Variants in PEPD observed in about 807,000 individuals in gnomAD.
PEPD encodes the protein peptidase D, also known as xaa-Pro dipeptidase.
PEPD carries 53 observed loss-of-function variants against 60.7 expected under a neutral mutation model. The observed-to-expected ratio is 0.87, with a 90% confidence interval of 0.70 to 1.10. The LOEUF (loss-of-function observed/expected upper bound fraction) is 1.10, where lower values mean the gene tolerates loss of function less well. PEPD is among the 50% of genes least tolerant of loss of function. PEPD has a pLI of 0.00. For synonymous variants in PEPD, 267 were observed against 284.1 expected (o/e 0.94, Z 0.60); for missense variants, 711 against 711.9 (o/e 1.00, Z 0.01).
At chr19:33,443,708 T>C (rs1481415436) in intron 9 of PEPD, among the ~76,000 whole-genome samples, 1 of 148,718 alleles carries the variant, frequency 6.7e-6, no homozygotes, top group Admixed American at 6.7e-5. Context: ...AACAAATGAA[T>C]GGGCTGAAAG....
chr19:33,485,491 T>TAAAAAAAAAAAAAAAA (rs908651690), intron 6 of PEPD, among the ~76,000 whole-genome samples: 4 of 110,962 alleles, frequency 3.6e-5, no homozygotes, highest in African/African-American at 1.5e-4. Flanking sequence ...AGACTCTGTC[T>TAAAAAAAAAAAAAAAA]AAAAAAAAAA....
Position 33,426,722 on chromosome 19 carries a change from CCAGGAGGAGCTGGGTCACTGAGGAAA to C in PEPD, c.672-13105_672-13080del, listed in dbSNP as rs533513465. On this transcript the variant is annotated intron_variant, in intron 9 of 14. Coordinates refer to ENST00000244137, the MANE Select transcript of PEPD (RefSeq NM_000285.4). ...GGCTACCCCATTAGGCTGGAGGGAA[CCAGGAGGAGCTGGGTCACTGAGGAAA>C]CAGGAGGAGCTGGGTCACTGCAGCC... Among the ~76,000 whole-genome samples the C allele has an allele frequency of 2.9e-3, 445 of 152,360 alleles. 1 individual carries two copies. Among genetic ancestry groups the C allele is most frequent in the African/African-American group, 0.01 (423 of 41,594 alleles).
intron 4 of PEPD, among the ~76,000 whole-genome samples, chr19:33,498,699 G>A (rs544864496): frequency 1.4e-3 from 219 of 151,870 alleles, no homozygotes; most frequent in Middle Eastern, 3.4e-3. Context: ...CAGGGTCCTG[G>A]AGACAGGTGC....
At chr19:33,502,157 G>A (rs1043122574) in intron 3 of PEPD, among the ~76,000 whole-genome samples, 3 of 152,150 alleles carry the variant, frequency 2.0e-5, no homozygotes, top group Non-Finnish European at 4.4e-5. Context: ...CTGCACAGGG[G>A]AGACACTGAG....
chr19:33,510,941 C>T (rs1292061018), intron 3 of PEPD, 87 bp downstream of exon 3: 3 of 1,424,286 alleles, frequency 2.1e-6, no homozygotes, highest in South Asian at 1.2e-5. Flanking sequence ...CGTCCCCAGG[C>T]CCAACCCAGC....
In PEPD at chr19:33,387,902, G is replaced by A. The variant is rs1302591533; in HGVS notation, c.1332C>T (p.Arg444=). ...FLNREVLQRF[R]GFGGVRIEED... The stretch of plus-strand genomic sequence containing the variant: ...CGTGGGCACTCACCCCGCCAAAACC[G>A]CGAAAGCGCTGCAGGACCTCGCGGT... Residue 444 remains arginine (R), a synonymous_variant, in exon 14 of 15, where the codon CGC becomes CGT. Transcript: ENST00000244137. 8.9e-6 allele frequency: 14 copies of A among 1,572,972 alleles called. No individual in the cohort carries two copies. Among genetic ancestry groups the A allele is most frequent in the East Asian group, 7.0e-5 (3 of 43,094 alleles).
chr19:33,509,376 G>A (rs1324398635), intron 3 of PEPD, among the ~76,000 whole-genome samples: 1 of 152,214 alleles, frequency 6.6e-6, no homozygotes, highest in East Asian at 1.9e-4. Flanking sequence ...GTCCTGCCCA[G>A]CAAAGATCCC....
intron 9 of PEPD, among the ~76,000 whole-genome samples, chr19:33,461,474 A>G (rs1969925303): frequency 1.3e-5 from 2 of 152,174 alleles, no homozygotes; most frequent in South Asian, 4.1e-4. Context: ...CCCTCCCAGT[A>G]GCCACCTTGG....
At chr19:33,413,065 T>G (rs1487994723) in intron 10 of PEPD, among the ~76,000 whole-genome samples, 3 of 152,246 alleles carry the variant, frequency 2.0e-5, no homozygotes, top group African/African-American at 7.2e-5. Flanking sequence ...CGGCACCATG[T>G]GCCACGAGCA....
chr19:33,485,352 G>A (rs1327190195), intron 6 of PEPD, among the ~76,000 whole-genome samples: 2 of 152,092 alleles, frequency 1.3e-5, no homozygotes, highest in African/African-American at 4.8e-5. Flanking sequence ...AATTAGCCAC[G>A]TGTGGTGGTG....
intron 11 of PEPD, among the ~76,000 whole-genome samples, chr19:33,410,690 T>C (rs1358330574): frequency 2.0e-5 from 3 of 152,208 alleles, no homozygotes; most frequent in Non-Finnish European, 2.9e-5. Context: ...CAGAGGGCTC[T>C]GCAGGAGGCT....
intron 9 of PEPD, among the ~76,000 whole-genome samples, chr19:33,429,011 T>C (rs1419417735): frequency 2.6e-5 from 4 of 152,204 alleles, no homozygotes; most frequent in African/African-American, 9.6e-5. Flanking sequence ...TGGGCACATA[T>C]CTTAGCCTCC....
chr19:33,477,381 T>C (rs1970235743), intron 7 of PEPD: 1 of 159,402 alleles, frequency 6.3e-6, no homozygotes. Flanking sequence ...AGTGATGATG[T>C]GGCAAAGGCC....
chr19:33,413,699 C>T lies in PEPD; in HGVS notation c.672-56G>A, dbSNP rs1388497927. On this transcript the variant is annotated intron_variant, in intron 9 of 14. Transcript: ENST00000244137. ...GCACTAGAGCAGGCACACCCCACTC[C>T]ACGAGCCCCATGAACCCCAAGGGAA... is the stretch of plus-strand genomic sequence containing the variant. 28 of 1,071,000 alleles carry T rather than the reference C, an allele frequency of 2.6e-5. No homozygotes were observed. In the East Asian group the frequency reaches 3.9e-4, roughly 15 times the overall value. 66.3% of individuals were successfully genotyped at this position (1,071,000 alleles called of 1,614,324 possible).
intron 9 of PEPD, among the ~76,000 whole-genome samples, chr19:33,457,578 G>C (rs977086166): frequency 3.3e-5 from 5 of 152,268 alleles, no homozygotes; most frequent in Admixed American, 3.3e-4. Context: ...CTGGAATGCA[G>C]AGGCTCACTG....
intron 12 of PEPD, among the ~76,000 whole-genome samples, chr19:33,400,164 G>A (rs1968456297): frequency 6.6e-6 from 1 of 152,198 alleles, no homozygotes; most frequent in Non-Finnish European, 1.5e-5. Flanking sequence ...AGCTGTGGGT[G>A]AGAGGCAGTG....
chr19:33,484,837 A>G (rs2145308153), intron 6 of PEPD, among the ~76,000 whole-genome samples: 1 of 152,322 alleles, frequency 6.6e-6, no homozygotes, highest in South Asian at 2.1e-4. Flanking sequence ...AATCCAAAAG[A>G]CAAGGTTAAC....
At chr19:33,438,980 A>G (rs780519530) in intron 9 of PEPD, among the ~76,000 whole-genome samples, 1 of 152,228 alleles carries the variant, frequency 6.6e-6, no homozygotes, top group Non-Finnish European at 1.5e-5. Context: ...TTGGCCTCCC[A>G]AAGTGCTGGG....
At chr19:33,439,123 G>A in intron 9 of PEPD, among the ~76,000 whole-genome samples, 1 of 152,234 alleles carries the variant, frequency 6.6e-6, no homozygotes. Flanking sequence ...GAGGTTGGAG[G>A]GGCTGCTTGA....
Sources: gnomAD v4.1 joint callset for allele counts (sites outside exome capture counted in the v4.1 genomes callset) on GRCh38, gnomAD v4.1.1 for gene constraint, MANE v1.5 for transcripts, NCBI Gene and HGNC (gene_info 2026-07-23, HGNC 2026-07-21) for gene names.